FGFR2: variants seen among roughly 807,000 people sequenced by gnomAD.
The protein encoded by FGFR2 is fibroblast growth factor receptor 2, also known as BEK fibroblast growth factor receptor.
In FGFR2, 19 loss-of-function variants were observed where a neutral mutation model predicts 95.9. The ratio of observed to expected loss-of-function variants is 0.20; its 90% confidence interval spans 0.14 to 0.29. The LOEUF (loss-of-function observed/expected upper bound fraction) is 0.29, where lower values mean the gene tolerates loss of function less well. FGFR2 is among the 10% of genes least tolerant of loss of function. The pLI is 1.00. For synonymous variants in FGFR2, 392 were observed against 393.3 expected, an observed-to-expected ratio of 1.00 and a Z score of 0.04; for missense variants, 707 against 1,056.9, an observed-to-expected ratio of 0.67 and a Z score of 4.59.
chr10:121,564,703 G>A, intron 3 of FGFR2, 124 bp from the exon 4 acceptor site: 2 of 825,180 alleles, frequency 2.4e-6, no homozygotes, highest in Non-Finnish European at 4.1e-6. Context: ...AAAGAGCCTG[G>A]GATTGTTTTC....
rs941460626 is a variant in FGFR2 at position 121,538,731 on chromosome 10, C to G, written c.625-16G>C. ...GGTTTCGTACCTGAAAAGATCAAAG[C>G]AAAGGCGGTTATTTAACAATCCTAG... On this transcript the variant is annotated splice_polypyrimidine_tract_variant and intron_variant, in intron 5 of 17. Transcript: ENST00000358487. 2 of 1,614,150 alleles carry G rather than the reference C, an allele frequency of 1.2e-6. No homozygotes were observed. The highest frequency in any genetic ancestry group is 2.7e-5 in the African/African-American group (2 of 75,048).
chr10:121,479,837 G>C lies in FGFR2; in HGVS notation c.*20C>G, dbSNP rs2133677208. ...AGGTTCCCAGTGCTGTCCTGTTTGGGGACAGGCAGACACAGTCATTCATGT... is the reference window on the plus strand; with the variant it reads ...AGGTTCCCAGTGCTGTCCTGTTTGGCGACAGGCAGACACAGTCATTCATGT... On this transcript the variant is annotated 3_prime_UTR_variant, in exon 18 of 18. Coordinates refer to ENST00000358487, the MANE Select transcript of FGFR2 (RefSeq NM_000141.5). The C allele has an allele frequency of 6.2e-7, 1 of 1,614,052 alleles. No individual in the cohort carries two copies.
chr10:121,580,432 C>T (rs901856784), intron 2 of FGFR2, among the ~76,000 whole-genome samples: 5 of 151,290 alleles, frequency 3.3e-5, no homozygotes, highest in African/African-American at 1.2e-4. Flanking sequence ...TGGGTTTGAA[C>T]GGTCTGCTTG....
At chr10:121,569,832 G>T (rs150624218) in intron 2 of FGFR2, among the ~76,000 whole-genome samples, 35 of 152,282 alleles carry the variant, frequency 2.3e-4, no homozygotes, top group African/African-American at 7.7e-4. Context: ...TTTCACAAAG[G>T]GCCCATTTTG....
At chr10:121,579,783 A>C (rs1440802789) in intron 2 of FGFR2, among the ~76,000 whole-genome samples, 1 of 152,124 alleles carries the variant, frequency 6.6e-6, no homozygotes, top group Non-Finnish European at 1.5e-5. Context: ...AAGAGTCCCC[A>C]CAGCTGTGCC....
chr10:121,521,739 A>G (rs2912763), intron 6 of FGFR2, among the ~76,000 whole-genome samples: 34,202 of 152,074 alleles, frequency 0.22, 4,727 homozygotes, highest in South Asian at 0.35. Flanking sequence ...TGCAGCCACC[A>G]TGGAAAACAA....
intron 17 of FGFR2, 94 bp from the exon 18 acceptor site, chr10:121,480,115 T>C: frequency 8.0e-7 from 1 of 1,246,026 alleles, no homozygotes; most frequent in South Asian, 1.2e-5. Context: ...CAAGTATTCC[T>C]GAAAGAAGGG....
chr10:121,497,117 C>T (rs1257998891), intron 12 of FGFR2, among the ~76,000 whole-genome samples: 10 of 115,576 alleles, frequency 8.7e-5, no homozygotes, highest in Non-Finnish European at 1.2e-4. Context: ...GGCAACAGAG[C>T]GAGACTTTGT....
At chr10:121,487,456 AT>A in intron 14 of FGFR2, 32 bp from the exon 15 acceptor site, 1 of 1,568,868 alleles carries the variant, frequency 6.4e-7, no homozygotes, top group Non-Finnish European at 8.8e-7. Context: ...CAAAAACTAA[AT>A]ATATTTAAAA....
At chr10:121,516,811 C>T (rs774167539) in intron 8 of FGFR2, among the ~76,000 whole-genome samples, 14 of 152,190 alleles carry the variant, frequency 9.2e-5, no homozygotes, top group Non-Finnish European at 2.1e-4. Context: ...AGCAAGCCAC[C>T]GATCCCCAAG....
intron 4 of FGFR2, among the ~76,000 whole-genome samples, chr10:121,561,425 C>CAA (rs58049520): frequency 8.9e-4 from 59 of 66,254 alleles, no homozygotes; most frequent in East Asian, 6.3e-3. Flanking sequence ...ACTCCCATCT[C>CAA]AAAAAAAAAA....
chr10:121,479,679 G>A lies in FGFR2; in HGVS notation c.*178C>T. 6.4e-7 allele frequency: 1 copy of A among 1,558,368 alleles called. No individual in the cohort carries two copies. The highest frequency in any genetic ancestry group is 8.7e-7 in the Non-Finnish European group (1 of 1,150,256). On this transcript the variant is annotated 3_prime_UTR_variant, in exon 18 of 18. Transcript: ENST00000358487. ...GAAACCTTCTTCTCCTCCTGGGGAA[G>A]ATTACAAGTTTTCAACTGTATAAAT...
intron 4 of FGFR2, among the ~76,000 whole-genome samples, chr10:121,558,610 G>GTT (rs1212018020): frequency 2.2e-4 from 30 of 139,402 alleles, no homozygotes; most frequent in Admixed American, 5.0e-4. Context: ...ACAGTTTTTT[G>GTT]TTTTTTTTTT....
intron 4 of FGFR2, among the ~76,000 whole-genome samples, chr10:121,557,017 T>C (rs1455840112): frequency 6.6e-6 from 1 of 152,098 alleles, no homozygotes; most frequent in Non-Finnish European, 1.5e-5. Flanking sequence ...GAGGATATGA[T>C]TATGAGGGGG....
chr10:121,590,957 G>T (rs540633430), intron 2 of FGFR2, among the ~76,000 whole-genome samples: 1 of 152,038 alleles, frequency 6.6e-6, no homozygotes, highest in Admixed American at 6.5e-5. Flanking sequence ...ATGGACAGGG[G>T]CACAGGCACG....
chr10:121,493,969 C>T (rs1846460216), intron 13 of FGFR2, among the ~76,000 whole-genome samples: 1 of 151,992 alleles, frequency 6.6e-6, no homozygotes, highest in Admixed American at 6.5e-5. Context: ...TCAATCCATT[C>T]ATTATCCCAA....
chr10:121,550,228 T>C (rs1025301570), intron 5 of FGFR2, among the ~76,000 whole-genome samples: 9 of 152,150 alleles, frequency 5.9e-5, no homozygotes, highest in Non-Finnish European at 1.2e-4. Flanking sequence ...GGATGCAACA[T>C]GCTCCTGCAA....
intron 13 of FGFR2, among the ~76,000 whole-genome samples, chr10:121,491,496 T>C (rs1846121005): frequency 6.6e-6 from 1 of 152,154 alleles, no homozygotes; most frequent in Admixed American, 6.5e-5. Context: ...GTATGGCTGA[T>C]GACATCGAAT....
intron 13 of FGFR2, among the ~76,000 whole-genome samples, chr10:121,489,446 G>A (rs1334896304): frequency 6.6e-6 from 1 of 152,060 alleles, no homozygotes; most frequent in African/African-American, 2.4e-5. Context: ...TAGAATCTCT[G>A]GCTGGCTCTT....
Sources: gnomAD v4.1 joint callset for allele counts (sites outside exome capture counted in the v4.1 genomes callset) on GRCh38, gnomAD v4.1.1 for gene constraint, MANE v1.5 for transcripts, NCBI Gene and HGNC (gene_info 2026-07-23, HGNC 2026-07-21) for gene names.